Variants in MAST4 observed in about 807,000 individuals in gnomAD.
MAST4 encodes the protein microtubule-associated serine/threonine-protein kinase 4.
MAST4 carries 89 observed loss-of-function variants against 162.7 expected under a neutral mutation model. That is an observed-to-expected ratio of 0.55 (90% CI 0.46 to 0.65). The LOEUF is 0.65. Ranked by LOEUF, MAST4 falls within the 30% of genes least tolerant of loss-of-function variation. The probability of loss-of-function intolerance (pLI) is 0.00; values close to 1 mark genes in which losing one functional copy is unlikely to be tolerated. For synonymous variants in MAST4, 1,479 were observed against 1,361.1 expected, an observed-to-expected ratio of 1.09 and a Z score of -1.91; for missense variants, 3,153 against 3,374.0, an observed-to-expected ratio of 0.93 and a Z score of 1.62.
At chr5:66,932,052 C>T (rs1742249271) in intron 4 of MAST4, among the ~76,000 whole-genome samples, 1 of 152,180 alleles carries the variant, frequency 6.6e-6, no homozygotes, top group Non-Finnish European at 1.5e-5. Context: ...TGAACGATCC[C>T]TTCTGAATTG....
rs978558008 is a variant in MAST4 at position 67,149,680 on chromosome 5, G to A, written c.3295+91G>A. 34 of 1,292,428 alleles carry A rather than the reference G, an allele frequency of 2.6e-5. No individual in the cohort carries two copies. The Middle Eastern group carries it at 5.6e-4, about 21-fold the overall frequency. The allele number at this position is 1,292,428 out of a possible 1,614,324, so 80.1% of individuals were successfully genotyped here. A position where few individuals can be genotyped will look rare whatever the true frequency, so the allele number is the denominator to read the frequency against. On this transcript the variant is annotated intron_variant, in intron 24 of 28. Coordinates refer to ENST00000403625, the MANE Select transcript of MAST4 (RefSeq NM_001164664.2). ...ATTTGGAATGCTGAATGAGATGCAA[G>A]ATTGCTTGAAGTAATAACGGGTCAT...
chr5:67,005,441 G>A (rs911583464), intron 4 of MAST4, among the ~76,000 whole-genome samples: 12 of 152,288 alleles, frequency 7.9e-5, no homozygotes, highest in African/African-American at 2.9e-4. Context: ...AGTCATTGAG[G>A]CTTCTGGTAC....
rs1445973 is a variant in MAST4 at position 66,884,293 on chromosome 5, T to G, written c.643-15658T>G. Among the ~76,000 whole-genome samples, 1,156 of 152,332 alleles carry G rather than the reference T, an allele frequency of 7.6e-3. 19 individuals carry two copies. The highest frequency in any genetic ancestry group is 0.026 in the African/African-American group (1,094 of 41,572). The stretch of plus-strand genomic sequence containing the variant: ...AAAATAAGTAAATCCTTTAAGCTAT[T>G]TTTAATTAGGTGTTTCTCAAACTTA... On this transcript the variant is annotated intron_variant, in intron 3 of 28. Coordinates refer to ENST00000403625, the MANE Select transcript of MAST4 (RefSeq NM_001164664.2).
intron 1 of MAST4, among the ~76,000 whole-genome samples, chr5:66,747,097 G>GGT (rs138318051): frequency 0.35 from 51,342 of 145,886 alleles, 9,047 homozygotes; most frequent in East Asian, 0.41. Flanking sequence ...GCATGCGCAT[G>GGT]GTGTGTGTGT....
intron 27 of MAST4, 69 bp downstream of exon 27, chr5:67,160,661 A>G: frequency 6.7e-7 from 1 of 1,503,324 alleles, no homozygotes; most frequent in South Asian, 1.3e-5. Flanking sequence ...CCCCTTAATT[A>G]AATGCTTATA....
At chr5:66,933,103 T>G (rs899434039) in intron 4 of MAST4, among the ~76,000 whole-genome samples, 1 of 152,174 alleles carries the variant, frequency 6.6e-6, no homozygotes, top group African/African-American at 2.4e-5. Context: ...TATCTCAAGT[T>G]TATTATTTAT....
At chr5:66,649,624 C>A (rs577013104) in intron 1 of MAST4, among the ~76,000 whole-genome samples, 2 of 152,274 alleles carry the variant, frequency 1.3e-5, no homozygotes, top group African/African-American at 4.8e-5. Flanking sequence ...GGAGGACTTC[C>A]CTGGTCCCAT....
At chr5:67,045,559 A>G (rs987140654) in intron 4 of MAST4, among the ~76,000 whole-genome samples, 4 of 152,230 alleles carry the variant, frequency 2.6e-5, no homozygotes, top group African/African-American at 7.2e-5. Flanking sequence ...GCATATACAC[A>G]GGTGGTCCCA....
Position 67,166,548 on chromosome 5 carries a change from A to G in MAST4, c.7369A>G (p.Lys2457Glu), listed in dbSNP as rs780548783. 4.2e-5 allele frequency: 68 copies of G among 1,607,560 alleles called. No homozygotes were observed. The highest frequency in any genetic ancestry group is 5.6e-5 in the Non-Finnish European group (66 of 1,177,226). Residue 2457 changes from lysine to glutamate, a missense_variant, in exon 29 of 29, where the codon AAG (lysine) becomes GAG (glutamate). Physicochemically the swap from Lys to Glu is moderately conservative, Grantham distance 56. Coordinates refer to ENST00000403625, the MANE Select transcript of MAST4 (RefSeq NM_001164664.2). The part of the protein sequence containing the change: ...SSFRSTALPE[K>E]SLSCSSSFPE... Reference sequence around the variant, plus strand: ...TTTCCGATCCACGGCCCTCCCGGAAAAGTCTCTGAGCTGCTCCTCCAGCTT... The same window carrying G: ...TTTCCGATCCACGGCCCTCCCGGAAGAGTCTCTGAGCTGCTCCTCCAGCTT...
chr5:66,898,224 G>A (rs530190680), intron 3 of MAST4, among the ~76,000 whole-genome samples: 1 of 152,232 alleles, frequency 6.6e-6, no homozygotes, highest in African/African-American at 2.4e-5. Context: ...TGAGGCAAGA[G>A]GATGCTTGAA....
intron 1 of MAST4, among the ~76,000 whole-genome samples, chr5:66,691,775 C>G (rs4700150): frequency 0.1 from 15,502 of 152,102 alleles, 925 homozygotes; most frequent in Admixed American, 0.16. Context: ...TCCACAAAGC[C>G]CTGCCTCCTA....
At chr5:66,893,798 C>G (rs1328052646) in intron 3 of MAST4, among the ~76,000 whole-genome samples, 1 of 152,158 alleles carries the variant, frequency 6.6e-6, no homozygotes, top group African/African-American at 2.4e-5. Context: ...GAGCAACTTA[C>G]TGGATTTTTC....
chr5:66,731,384 T>G (rs1417983927), intron 1 of MAST4, among the ~76,000 whole-genome samples: 1 of 152,234 alleles, frequency 6.6e-6, no homozygotes, highest in Non-Finnish European at 1.5e-5. Context: ...TTTGCTCGAT[T>G]CTAGGTTCAA....
At chr5:67,068,266 A>T (rs972500112) in intron 5 of MAST4, among the ~76,000 whole-genome samples, 3 of 152,208 alleles carry the variant, frequency 2.0e-5, no homozygotes. Context: ...GCTATGAAGA[A>T]ATACTCGAGA....
At chr5:66,713,623 A>G (rs1358780639) in intron 1 of MAST4, among the ~76,000 whole-genome samples, 1 of 152,202 alleles carries the variant, frequency 6.6e-6, no homozygotes, top group Non-Finnish European at 1.5e-5. Context: ...CATCTTTACT[A>G]TAACTTTTTA....
intron 27 of MAST4, among the ~76,000 whole-genome samples, chr5:67,161,485 G>T (rs1773178412): frequency 6.6e-6 from 1 of 151,874 alleles, no homozygotes; most frequent in South Asian, 2.1e-4. Flanking sequence ...ATATTTGGTT[G>T]CAAGGTAGAA....
chr5:66,756,504 T>A (rs554954664), intron 1 of MAST4, among the ~76,000 whole-genome samples: 5 of 152,332 alleles, frequency 3.3e-5, no homozygotes, highest in African/African-American at 1.2e-4. Context: ...GTTCAACTCC[T>A]TGTAGTATGA....
chr5:66,729,251 C>G (rs923870624), intron 1 of MAST4, among the ~76,000 whole-genome samples: 4 of 152,096 alleles, frequency 2.6e-5, no homozygotes, highest in African/African-American at 9.7e-5. Context: ...TTTATTAATG[C>G]TAGGCTTTGA....
At chr5:66,597,569 G>A (rs1468618250) in intron 1 of MAST4, among the ~76,000 whole-genome samples, 1 of 152,202 alleles carries the variant, frequency 6.6e-6, no homozygotes, top group Non-Finnish European at 1.5e-5. Context: ...TCGGTCCTCT[G>A]GGAGAAGAGG....
Sources: allele counts gnomAD v4.1 joint callset (sites outside exome capture counted in the v4.1 genomes callset), GRCh38; gene constraint gnomAD v4.1.1; transcripts MANE v1.5; gene names NCBI Gene and HGNC (gene_info 2026-07-23, HGNC 2026-07-21).